Variants in XRCC5 observed in about 807,000 individuals in gnomAD.
XRCC5 encodes X-ray repair cross complementing 5, also known as DNA repair protein Ku80.
Under a neutral mutation model 95.7 loss-of-function variants are expected in XRCC5, and 12 were observed. That is an observed-to-expected ratio of 0.13 (90% CI 0.08 to 0.20). XRCC5 has a LOEUF of 0.20. Among genes scored for constraint, XRCC5 ranks in the 10% least tolerant of loss-of-function variants. The pLI is 1.00. For missense variants in XRCC5, 595 were observed against 873.9 expected, an observed-to-expected ratio of 0.68 and a Z score of 4.02; for synonymous variants, 281 against 290.3, an observed-to-expected ratio of 0.97 and a Z score of 0.33.
chr2:216,162,407 CTTTTTTTTTTT>C (rs1247008321), intron 16 of XRCC5, among the ~76,000 whole-genome samples: 1 of 146,076 alleles, frequency 6.8e-6, no homozygotes, highest in Non-Finnish European at 1.5e-5. Context: ...CCTTTTTTTT[CTTTTTTTTTTT>C]GAGATGGAGT....
chr2:216,133,593 T>C (rs554528983), intron 10 of XRCC5, among the ~76,000 whole-genome samples: 1 of 152,222 alleles, frequency 6.6e-6, no homozygotes, highest in Non-Finnish European at 1.5e-5. Context: ...GACACACATG[T>C]TGGGTAATGA....
At chr2:216,173,171 TAAAG>T (rs1031168752) in intron 16 of XRCC5, among the ~76,000 whole-genome samples, 5 of 152,154 alleles carry the variant, frequency 3.3e-5, no homozygotes, top group Admixed American at 6.5e-5. Flanking sequence ...TGTCTGCAAA[TAAAG>T]AAAGCTTTAC....
intron 6 of XRCC5, among the ~76,000 whole-genome samples, chr2:216,125,067 C>T (rs1259596863): frequency 2.6e-5 from 4 of 152,064 alleles, no homozygotes; most frequent in Non-Finnish European, 5.9e-5. Context: ...CTATTATATA[C>T]ATATAAAAAT....
In XRCC5 at chr2:216,172,470, T is replaced by TTTTTTTC. The variant is rs1553576435; in HGVS notation, c.1834+10428_1834+10429insCTTTTTT. On this transcript the variant is annotated intron_variant, in intron 16 of 20. Coordinates refer to ENST00000392132, the MANE Select transcript of XRCC5 (RefSeq NM_021141.4). Reference sequence around the variant, plus strand: ...AACTTTAGCATCAGCTTTTCTTTTCTTTTTTTTTTTTTTTTTGAGACAAAG... The same window carrying TTTTTTTC: ...AACTTTAGCATCAGCTTTTCTTTTCTTTTTTTCTTTTTTTTTTTTTTTTGAGACAAAG... Among the ~76,000 whole-genome samples, 58 of 45,004 alleles carry TTTTTTTC rather than the reference T, an allele frequency of 1.3e-3. 1 individual carries two copies. The highest frequency in any genetic ancestry group is 0.018 in the Middle Eastern group (2 of 114). The allele number at this position is 45,004 out of a possible 152,430, so 29.5% of individuals were successfully genotyped here.
intron 11 of XRCC5, among the ~76,000 whole-genome samples, chr2:216,137,799 C>G (rs1219014037): frequency 6.6e-6 from 1 of 152,208 alleles, no homozygotes; most frequent in East Asian, 1.9e-4. Context: ...ACTTCCAGGT[C>G]AACCTTCTGG....
chr2:216,110,321 T>G (rs1696563855), intron 1 of XRCC5: 1 of 152,140 alleles, frequency 6.6e-6, no homozygotes, highest in African/African-American at 2.4e-5. Flanking sequence ...TTCCAGGGAT[T>G]AATGAATTTA....
rs770825706 is a variant in XRCC5, at chr2:216,112,996, C to G, written c.22-20C>G. ...CTTACGACTTATTTTCTCAAACACT[C>G]TTTGGAACTTTGTTTCCAGGCAGCT... On this transcript the variant is annotated intron_variant, in intron 1 of 20. Coordinates refer to ENST00000392132, the MANE Select transcript of XRCC5 (RefSeq NM_021141.4). 11 of 1,593,438 alleles carry G rather than the reference C, an allele frequency of 6.9e-6. No individual in the cohort carries two copies. The highest frequency in any genetic ancestry group is 6.8e-5 in the Admixed American group (4 of 58,766).
At chr2:216,186,878 G>C (rs1004688496) in intron 16 of XRCC5, among the ~76,000 whole-genome samples, 1 of 151,584 alleles carries the variant, frequency 6.6e-6, no homozygotes, top group Admixed American at 6.5e-5. Context: ...AAATATTATA[G>C]AATATTATTT....
intron 13 of XRCC5, among the ~76,000 whole-genome samples, chr2:216,143,200 A>G (rs901415297): frequency 1.3e-5 from 2 of 152,226 alleles, no homozygotes; most frequent in African/African-American, 4.8e-5. Flanking sequence ...ACTGTTGTAA[A>G]GTGGAAAAAT....
Position 216,137,146 on chromosome 2 carries a change from C to T in XRCC5, c.1172C>T (p.Ala391Val). 1 of 1,614,026 alleles carries T rather than the reference C, an allele frequency of 6.2e-7. No homozygotes were observed. The highest frequency in any genetic ancestry group is 8.5e-7 in the Non-Finnish European group (1 of 1,179,922). The change falls in exon 11 of 21, where the codon GCC becomes GTC. Residue 391 changes from alanine to valine, a missense_variant. By Grantham distance (64) the Ala-to-Val change is moderately conservative. Transcript: ENST00000392132. Reference protein sequence around the residue: ...IHALDDLDMVAIVRYAYDKRA... With the variant: ...IHALDDLDMVVIVRYAYDKRA... ...GCTTTGGATGACTTAGACATGGTGGCCATAGTTCGATATGCTTATGACAAA... is the reference window on the plus strand; with the variant it reads ...GCTTTGGATGACTTAGACATGGTGGTCATAGTTCGATATGCTTATGACAAA...
Position 216,205,155 on chromosome 2 carries a change from A to T in XRCC5, c.2185-33A>T, listed in dbSNP as rs994789553. ...GAAGCAGTGGTATGAAATTGGCCTG[A>T]TTCCTTTCTAAGTGTGTTGTTCTTG... is the stretch of plus-strand genomic sequence containing the variant. On this transcript the variant is annotated intron_variant, in intron 20 of 20. Transcript: ENST00000392132. 4 of 1,613,664 alleles carry T rather than the reference A, an allele frequency of 2.5e-6. No individual in the cohort carries two copies. In the African/African-American group the frequency reaches 5.3e-5, roughly 22 times the overall value.
At position 216,192,655 on chromosome 2, in the gene XRCC5, G is replaced by T; in HGVS notation, c.1961G>T (p.Arg654Leu). Residue 654 changes from arginine to leucine, a missense_variant, in exon 18 of 21, where the codon CGC becomes CTC. Coordinates refer to ENST00000392132, the MANE Select transcript of XRCC5 (RefSeq NM_021141.4). Reference sequence around the variant, plus strand: ...CTACCACAGTTTTCAGAAGAGCAGCGCTTTAACAACTTCCTGAAAGCCCTT... The same window carrying T: ...CTACCACAGTTTTCAGAAGAGCAGCTCTTTAACAACTTCCTGAAAGCCCTT... ...EEAIKFSEEQRFNNFLKALQE... is the reference protein window; with the variant it reads ...EEAIKFSEEQLFNNFLKALQE... 1 of 1,591,828 alleles carries T rather than the reference G, an allele frequency of 6.3e-7. No homozygotes were observed. The highest frequency in any genetic ancestry group is 8.6e-7 in the Non-Finnish European group (1 of 1,169,132).
At chr2:216,137,337 G>T in intron 11 of XRCC5, 112 bp downstream of exon 11, 1 of 1,270,168 alleles carries the variant, frequency 7.9e-7, no homozygotes, top group African/African-American at 1.5e-5. Context: ...TTAAAATGCA[G>T]ATCCTCATTG....
chr2:216,141,535 C>CTTTTAT (rs1697168944), intron 13 of XRCC5, among the ~76,000 whole-genome samples: 1 of 54,228 alleles, frequency 1.8e-5, no homozygotes, highest in East Asian at 7.7e-4. Flanking sequence ...TGCTTTCTTT[C>CTTTTAT]TTTTCTTTTT....
At chr2:216,119,202 A>T (rs62181331) in intron 5 of XRCC5, 37 bp downstream of exon 5, 1 of 1,611,228 alleles carries the variant, frequency 6.2e-7, no homozygotes, top group Admixed American at 1.7e-5. Flanking sequence ...GACAAATCCT[A>T]TGATTTCCTA....
At chr2:216,175,213 C>T in intron 16 of XRCC5, 1 of 370,320 alleles carries the variant, frequency 2.7e-6, no homozygotes, top group South Asian at 2.2e-5. Context: ...ACCATTGTTG[C>T]CCACCGTCAC....
At chr2:216,156,894 G>A in intron 14 of XRCC5, 1 of 328,860 alleles carries the variant, frequency 3.0e-6, no homozygotes, top group Non-Finnish European at 6.1e-6. Flanking sequence ...GAAGGAAAAT[G>A]GAAGAAGGGC....
intron 19 of XRCC5, among the ~76,000 whole-genome samples, chr2:216,199,810 CT>C (rs375975027): frequency 0.02 from 2,443 of 120,120 alleles, 19 homozygotes; most frequent in African/African-American, 0.034. Context: ...GCATTGGGAT[CT>C]TTTTTTTTTT....
At chr2:216,131,790 C>T (rs1006599149) in intron 9 of XRCC5, among the ~76,000 whole-genome samples, 8 of 152,180 alleles carry the variant, frequency 5.3e-5, no homozygotes, top group African/African-American at 1.7e-4. Context: ...CCTTTCCTCT[C>T]ACACAGTGGC....
Sources: gnomAD v4.1 joint callset for allele counts (sites outside exome capture counted in the v4.1 genomes callset) on GRCh38, gnomAD v4.1.1 for gene constraint, MANE v1.5 for transcripts, NCBI Gene and HGNC (gene_info 2026-07-23, HGNC 2026-07-21) for gene names.